B3GALT1: variants seen among roughly 807,000 people sequenced by gnomAD.
B3GALT1 encodes the protein UDP-Gal:betaGlcNAc beta 1,3-galactosyltransferase, polypeptide 1.
A neutral mutation model predicts 23.2 loss-of-function variants in B3GALT1; 10 were observed. That is an observed-to-expected ratio of 0.43 (90% CI 0.27 to 0.73). The LOEUF (loss-of-function observed/expected upper bound fraction) is 0.73, where lower values mean the gene tolerates loss of function less well. Among genes scored for constraint, B3GALT1 ranks in the 30% least tolerant of loss-of-function variants. The pLI, the probability that B3GALT1 is intolerant of heterozygous loss-of-function variation, is 0.21. For synonymous variants in B3GALT1, 156 were observed against 141.5 expected, an observed-to-expected ratio of 1.10 and a Z score of -0.73; for missense variants, 299 against 405.4, an observed-to-expected ratio of 0.74 and a Z score of 2.25.
intron 3 of B3GALT1, among the ~76,000 whole-genome samples, chr2:167,757,189 A>G (rs1687831692): frequency 6.6e-6 from 1 of 152,166 alleles, no homozygotes; most frequent in Admixed American, 6.5e-5. Context: ...GTAAGCAGTT[A>G]TTAGGTTGAA....
chr2:167,691,731 A>G (rs1686717261), intron 3 of B3GALT1, among the ~76,000 whole-genome samples: 1 of 152,188 alleles, frequency 6.6e-6, no homozygotes, highest in South Asian at 2.1e-4. Context: ...AGACTAAAAA[A>G]TGAGATGAAT....
chr2:167,517,100 T>C (rs1341120284), intron 2 of B3GALT1, among the ~76,000 whole-genome samples: 6 of 152,102 alleles, frequency 3.9e-5, no homozygotes, highest in Admixed American at 1.3e-4. Flanking sequence ...TGTATACATA[T>C]ATTAAATATT....
rs76566536 is a variant in B3GALT1 at position 167,527,778 on chromosome 2, T to C, written c.-410+37501T>C. 4.8e-3 allele frequency among the ~76,000 whole-genome samples: 729 copies of C among 152,222 alleles called. 9 individuals are homozygous for C. The highest frequency in any genetic ancestry group is 0.016 in the African/African-American group (684 of 41,538). On this transcript the variant is annotated intron_variant, in intron 2 of 4. Coordinates refer to ENST00000392690, the MANE Select transcript of B3GALT1 (RefSeq NM_020981.4). ...TCTCTAAAAGTTGAAGAAATAGAGG[T>C]ATTATATGGTCAAGTGGTTTTCTGA...
chr2:167,857,554 G>A (rs947320630), intron 4 of B3GALT1, among the ~76,000 whole-genome samples: 3 of 151,982 alleles, frequency 2.0e-5, no homozygotes, highest in Admixed American at 1.3e-4. Flanking sequence ...TGAGAGTGAA[G>A]CTGAGCAAAT....
intron 2 of B3GALT1, among the ~76,000 whole-genome samples, chr2:167,544,253 G>C (rs1267397894): frequency 1.3e-5 from 2 of 152,098 alleles, no homozygotes; most frequent in Non-Finnish European, 2.9e-5. Flanking sequence ...TAGGTACATT[G>C]CTGCCCTTAA....
At chr2:167,774,432 C>T (rs1478302530) in intron 3 of B3GALT1, among the ~76,000 whole-genome samples, 1 of 150,520 alleles carries the variant, frequency 6.6e-6, no homozygotes, top group Non-Finnish European at 1.5e-5. Context: ...GACCTAGTAT[C>T]CTTTGCATAC....
chr2:167,780,249 C>T (rs1574258955), intron 3 of B3GALT1, among the ~76,000 whole-genome samples: 1 of 152,152 alleles, frequency 6.6e-6, no homozygotes, highest in Non-Finnish European at 1.5e-5. Flanking sequence ...TTGCATTGCA[C>T]ACAATGTTTT....
intron 4 of B3GALT1, among the ~76,000 whole-genome samples, chr2:167,837,081 A>C (rs1262778636): frequency 1.3e-5 from 2 of 152,228 alleles, no homozygotes; most frequent in Non-Finnish European, 2.9e-5. Flanking sequence ...TCATGCCAAA[A>C]TGTAAAGACC....
At chr2:167,507,180 A>C (rs903811233) in intron 2 of B3GALT1, among the ~76,000 whole-genome samples, 2 of 152,280 alleles carry the variant, frequency 1.3e-5, no homozygotes, top group East Asian at 3.9e-4. Flanking sequence ...ATAGAGGAGA[A>C]ATTCCAGTAA....
At chr2:167,642,697 C>A (rs1456122305) in intron 2 of B3GALT1, among the ~76,000 whole-genome samples, 1 of 152,082 alleles carries the variant, frequency 6.6e-6, no homozygotes, top group Non-Finnish European at 1.5e-5. Context: ...CTATAACCTG[C>A]CTTATTTTTC....
intron 2 of B3GALT1, among the ~76,000 whole-genome samples, chr2:167,491,124 C>G (rs1160419413): frequency 2.0e-5 from 3 of 152,062 alleles, no homozygotes; most frequent in Non-Finnish European, 4.4e-5. Context: ...ACTTTTAGGC[C>G]TCACTTCAAT....
At chr2:167,661,718 T>C (rs1686063231) in intron 3 of B3GALT1, among the ~76,000 whole-genome samples, 1 of 152,130 alleles carries the variant, frequency 6.6e-6, no homozygotes, top group Non-Finnish European at 1.5e-5. Context: ...AAGTTAAATA[T>C]GCCCTGAGAG....
intron 1 of B3GALT1, among the ~76,000 whole-genome samples, chr2:167,469,247 G>C (rs1699390574): frequency 6.6e-6 from 1 of 152,178 alleles, no homozygotes; most frequent in Non-Finnish European, 1.5e-5. Context: ...TGCTAGCTAA[G>C]TAGCTTTGGG....
intron 3 of B3GALT1, among the ~76,000 whole-genome samples, chr2:167,811,944 TTTG>T (rs1235747708): frequency 1.3e-5 from 2 of 152,216 alleles, no homozygotes; most frequent in Non-Finnish European, 2.9e-5. Flanking sequence ...AGCTCTTGGT[TTTG>T]TTTTGCTGTT....
Position 167,722,246 on chromosome 2 carries a change from A to G in B3GALT1, c.-352+75280A>G, listed in dbSNP as rs180735393. On this transcript the variant is annotated intron_variant, in intron 3 of 4. Coordinates refer to ENST00000392690, the MANE Select transcript of B3GALT1 (RefSeq NM_020981.4). ...CCATTTGTAGTTGAGAATTCTCTGCACAGATACTCCGAAGATAATGAATCT... is the reference window on the plus strand; with the variant it reads ...CCATTTGTAGTTGAGAATTCTCTGCGCAGATACTCCGAAGATAATGAATCT... Among the ~76,000 whole-genome samples, 3 of 152,380 alleles carry G rather than the reference A, an allele frequency of 2.0e-5. No homozygotes were observed. The East Asian group carries it at 5.8e-4, about 29-fold the overall frequency.
chr2:167,413,522 C>T (rs1698423185), intron 1 of B3GALT1, among the ~76,000 whole-genome samples: 1 of 151,838 alleles, frequency 6.6e-6, no homozygotes, highest in Non-Finnish European at 1.5e-5. Flanking sequence ...GTCAGTTAAT[C>T]CTATATATTT....
chr2:167,564,267 C>A (rs1231972693), intron 2 of B3GALT1, among the ~76,000 whole-genome samples: 3 of 149,918 alleles, frequency 2.0e-5, no homozygotes, highest in Admixed American at 1.3e-4. Flanking sequence ...AGACGATGGG[C>A]GGCCGGGCAG....
chr2:167,696,986 A>T (rs58502451), intron 3 of B3GALT1, among the ~76,000 whole-genome samples: 3,401 of 152,246 alleles, frequency 0.022, 120 homozygotes, highest in African/African-American at 0.078. Flanking sequence ...ATTACTTTGC[A>T]TGCTGTCTTG....
At chr2:167,490,677 G>A (rs1471312048) in intron 2 of B3GALT1, among the ~76,000 whole-genome samples, 1 of 152,156 alleles carries the variant, frequency 6.6e-6, no homozygotes, top group Non-Finnish European at 1.5e-5. Flanking sequence ...CTCCAGGGCT[G>A]AAGCCTTGGC....
Sources: allele counts gnomAD v4.1 joint callset (sites outside exome capture counted in the v4.1 genomes callset), GRCh38; gene constraint gnomAD v4.1.1; transcripts MANE v1.5; gene names NCBI Gene and HGNC (gene_info 2026-07-23, HGNC 2026-07-21).